Variants in XYLT1 observed in about 807,000 individuals in gnomAD.
XYLT1 encodes the protein xylosyltransferase 1.
XYLT1 carries 36 observed loss-of-function variants against 91.3 expected under a neutral mutation model. The ratio of observed to expected loss-of-function variants is 0.39; its 90% CI spans 0.30 to 0.52. The LOEUF (loss-of-function observed/expected upper bound fraction) is 0.52, where lower values mean the gene tolerates loss of function less well. Ranked by LOEUF, XYLT1 falls within the 20% of genes least tolerant of loss-of-function variation. The pLI, the probability that XYLT1 is intolerant of heterozygous loss-of-function variation, is 0.68. For synonymous variants in XYLT1, 588 were observed against 532.0 expected (o/e 1.11, Z -1.45); for missense variants, 1,242 against 1,284.5 (o/e 0.97, Z 0.51).
chr16:17,301,181 C>T (rs905425817), intron 2 of XYLT1, among the ~76,000 whole-genome samples: 4 of 152,080 alleles, frequency 2.6e-5, no homozygotes, highest in East Asian at 1.9e-4. Flanking sequence ...GAGGCTGAGG[C>T]GGGTGGATTA....
chr16:17,427,254 C>A (rs2036330474), intron 1 of XYLT1, among the ~76,000 whole-genome samples: 1 of 152,236 alleles, frequency 6.6e-6, no homozygotes, highest in Non-Finnish European at 1.5e-5. Context: ...CTCAAGACTT[C>A]TTTGCCACCA....
intron 5 of XYLT1, among the ~76,000 whole-genome samples, chr16:17,184,029 C>G (rs1445640577): frequency 2.0e-5 from 3 of 151,986 alleles, no homozygotes; most frequent in African/African-American, 7.3e-5. Context: ...ATGTAAGGAA[C>G]AGGCAAGGGA....
chr16:17,447,150 G>T (rs1234536407), intron 1 of XYLT1, among the ~76,000 whole-genome samples: 1 of 152,172 alleles, frequency 6.6e-6, no homozygotes, highest in Non-Finnish European at 1.5e-5. Flanking sequence ...TCTGGACTCT[G>T]CCCAACAGCC....
chr16:17,442,446 G>C (rs116839205), intron 1 of XYLT1, among the ~76,000 whole-genome samples: 1,950 of 151,948 alleles, frequency 0.013, 27 homozygotes, highest in African/African-American at 0.028. Context: ...CTGGGTTATG[G>C]GGTGCCCAGA....
At chr16:17,254,434 G>T (rs2033596480) in intron 3 of XYLT1, among the ~76,000 whole-genome samples, 1 of 151,966 alleles carries the variant, frequency 6.6e-6, no homozygotes, top group African/African-American at 2.4e-5. Flanking sequence ...CCGCCCTGTT[G>T]CCTAGGCTGG....
At chr16:17,353,506 C>T (rs755665972) in intron 2 of XYLT1, among the ~76,000 whole-genome samples, 3 of 152,164 alleles carry the variant, frequency 2.0e-5, no homozygotes, top group Non-Finnish European at 4.4e-5. Flanking sequence ...ACTACTGATG[C>T]GCAGGGACAT....
At chr16:17,245,526 C>A (rs759023941) in intron 3 of XYLT1, among the ~76,000 whole-genome samples, 2 of 152,212 alleles carry the variant, frequency 1.3e-5, no homozygotes, top group Non-Finnish European at 1.5e-5. Context: ...CTATTTCAAT[C>A]GTCTCTTAAT....
intron 1 of XYLT1, among the ~76,000 whole-genome samples, chr16:17,440,880 C>T (rs757642688): frequency 5.3e-5 from 8 of 151,910 alleles, no homozygotes; most frequent in Admixed American, 1.3e-4. Context: ...GGTGGCTGAA[C>T]GAGAAAAGCT....
intron 1 of XYLT1, among the ~76,000 whole-genome samples, chr16:17,461,801 T>C (rs2036827569): frequency 6.6e-6 from 1 of 152,246 alleles, no homozygotes; most frequent in South Asian, 2.1e-4. Flanking sequence ...CTTCAATTTC[T>C]AGTTTGGACA....
rs776371146 is a variant in XYLT1 at position 17,198,401 on chromosome 16, A to T, written c.1100T>A (p.Leu367Gln). The T allele has an allele frequency of 1.2e-5, 20 of 1,613,998 alleles. No individual in the cohort carries two copies. The Admixed American group carries it at 2.0e-4, about 16-fold the overall frequency. The change falls in exon 5 of 12, where the codon CTG becomes CAG. Residue 367 changes from leucine (L) to glutamine (Q), a missense_variant. Around this residue, in one of 3 missense-constraint regions of XYLT1, gnomAD observed 294 missense variants for 376.0 expected, o/e 0.78. Transcript: ENST00000261381. Reference sequence around the variant, plus strand: ...GGAGACCTGGAGCACTTGCCGATGCAGGTAATTAGAGCGCTTTTCCCAGGA... The same window carrying T: ...GGAGACCTGGAGCACTTGCCGATGCTGGTAATTAGAGCGCTTTTCCCAGGA... ...YIHVDKRSNY[L>Q]HRQVLQVSRQ...
chr16:17,172,426 T>C (rs1164023429), intron 5 of XYLT1, among the ~76,000 whole-genome samples: 1 of 151,990 alleles, frequency 6.6e-6, no homozygotes, highest in Non-Finnish European at 1.5e-5. Flanking sequence ...CATAAGCATT[T>C]GCTGAGCATC....
intron 4 of XYLT1, among the ~76,000 whole-genome samples, chr16:17,198,645 G>A (rs1283855664): frequency 3.3e-5 from 5 of 152,140 alleles, no homozygotes; most frequent in South Asian, 2.1e-4. Flanking sequence ...TTCACTGGCC[G>A]CACTTCTGAG....
intron 10 of XYLT1, among the ~76,000 whole-genome samples, chr16:17,125,305 G>A (rs533741624): frequency 6.6e-6 from 1 of 152,280 alleles, no homozygotes; most frequent in African/African-American, 2.4e-5. Flanking sequence ...TCCATACACT[G>A]CTCTGTCCAT....
chr16:17,163,059 A>C (rs1475761202), intron 5 of XYLT1, among the ~76,000 whole-genome samples: 1 of 152,262 alleles, frequency 6.6e-6, no homozygotes, highest in African/African-American at 2.4e-5. Context: ...ACCATCTTGA[A>C]CATCAGAAGC....
chr16:17,251,564 C>T (rs377741093), intron 3 of XYLT1, among the ~76,000 whole-genome samples: 1 of 152,170 alleles, frequency 6.6e-6, no homozygotes, highest in African/African-American at 2.4e-5. Flanking sequence ...AAGGAGCCAG[C>T]AGGGCCTTTC....
At chr16:17,302,982 G>A (rs2034419499) in intron 2 of XYLT1, among the ~76,000 whole-genome samples, 1 of 151,584 alleles carries the variant, frequency 6.6e-6, no homozygotes, top group South Asian at 2.1e-4. Flanking sequence ...ATAAGCTGGG[G>A]TAGGGTTGGC....
At chr16:17,338,580 T>C (rs1289159370) in intron 2 of XYLT1, 3 of 447,836 alleles carry the variant, frequency 6.7e-6, no homozygotes, top group African/African-American at 6.0e-5. Flanking sequence ...TCGGGAATGG[T>C]CTTTCGTGTC....
At chr16:17,324,716 A>G (rs1022512742) in intron 2 of XYLT1, among the ~76,000 whole-genome samples, 4 of 152,188 alleles carry the variant, frequency 2.6e-5, no homozygotes, top group African/African-American at 9.6e-5. Flanking sequence ...ACATAATCAG[A>G]TTCATAGGAT....
intron 6 of XYLT1, among the ~76,000 whole-genome samples, chr16:17,145,027 C>A (rs1334469517): frequency 5.3e-5 from 8 of 152,214 alleles, no homozygotes; most frequent in East Asian, 3.8e-4. Context: ...CACAGCCACT[C>A]CCCATTCATG....
Sources: gnomAD v4.1 joint callset for allele counts (sites outside exome capture counted in the v4.1 genomes callset) on GRCh38, gnomAD v4.1.1 for gene constraint, gnomAD v4.1.1 regional missense constraint, MANE v1.5 for transcripts, NCBI Gene and HGNC (gene_info 2026-07-23, HGNC 2026-07-21) for gene names.